The following TEX14 variants were observed in gnomAD, a reference collection of about 807,000 sequenced individuals.
TEX14 encodes the protein testis expressed 14, intercellular bridge forming factor.
TEX14 carries 168 observed loss-of-function variants against 178.6 expected under a neutral mutation model. That is an observed-to-expected ratio of 0.94 (90% CI 0.83 to 1.07). TEX14 has a LOEUF of 1.07. TEX14 is among the 50% of genes least tolerant of loss of function. The probability of loss-of-function intolerance (pLI) is 0.00; values close to 1 mark genes in which losing one functional copy is unlikely to be tolerated. For synonymous variants in TEX14, 626 were observed against 634.1 expected, an observed-to-expected ratio of 0.99 and a Z score of 0.19; for missense variants, 1,730 against 1,753.6, an observed-to-expected ratio of 0.99 and a Z score of 0.24.
At chr17:58,595,969 G>A (rs924928611) in intron 14 of TEX14, among the ~76,000 whole-genome samples, 13 of 152,190 alleles carry the variant, frequency 8.5e-5, no homozygotes, top group African/African-American at 3.1e-4. Context: ...CGGATCACAA[G>A]GTCAGGAGTT....
intron 15 of TEX14, among the ~76,000 whole-genome samples, chr17:58,592,943 C>T (rs896710403): frequency 7.9e-5 from 12 of 152,034 alleles, no homozygotes; most frequent in Admixed American, 2.0e-4. Context: ...CATATATATG[C>T]ATGAATACAT....
rs1172697593 is a variant in TEX14, at chr17:58,627,913, C to CTTT, written c.251+2524_251+2526dup. Among the ~76,000 whole-genome samples the CTTT allele has an allele frequency of 8.2e-3, 621 of 75,616 alleles. 23 individuals are homozygous for CTTT. Among genetic ancestry groups the CTTT allele is most frequent in the African/African-American group, 0.027 (506 of 18,590 alleles). The allele number at this position is 75,616 out of a possible 152,430, so 49.6% of individuals were successfully genotyped here. A position where few individuals can be genotyped will look rare whatever the true frequency, so the allele number is the denominator to read the frequency against. On this transcript the variant is annotated intron_variant, in intron 3 of 31. Coordinates refer to ENST00000349033, the MANE Select transcript of TEX14 (RefSeq NM_031272.5). The stretch of plus-strand genomic sequence containing the variant: ...TCAGGTGAGCCAGCCCCCATGCCAC[C>CTTT]TTTTTTTTTTTTTTTTTTTTTTTTG...
chr17:58,664,023 C>G (rs2047164480), intron 1 of TEX14, among the ~76,000 whole-genome samples: 1 of 152,156 alleles, frequency 6.6e-6, no homozygotes, highest in African/African-American at 2.4e-5. Flanking sequence ...GAGTGAGACC[C>G]TGTCTTAACC....
rs187837711 is a variant in TEX14, at chr17:58,673,843, T to C, written c.-2+18096A>G. 5.9e-5 allele frequency among the ~76,000 whole-genome samples: 9 copies of C among 152,322 alleles called. No individual in the cohort carries two copies. The East Asian group carries it at 1.2e-3, about 20-fold the overall frequency. The stretch of plus-strand genomic sequence containing the variant: ...CCACCCTCCCAAAGTCCTGGGATTA[T>C]AGACGTGAGCCACCCCACGTGGCTT... On this transcript the variant is annotated intron_variant, in intron 1 of 31. Transcript: ENST00000349033.
In TEX14 at chr17:58,565,728, A is replaced by G. The variant is rs1263265992; in HGVS notation, c.3964+19T>C. The G allele has an allele frequency of 7.6e-6, 12 of 1,583,556 alleles. No individual in the cohort carries two copies. The highest frequency in any genetic ancestry group is 1.1e-5 in the South Asian group (1 of 87,920). On this transcript the variant is annotated intron_variant, in intron 27 of 31. Transcript: ENST00000349033. ...GCGTTAAAAGAACCTGATGAAAACA[A>G]TCTAGGTAGTTCACTTACCATTTGC...
At chr17:58,564,186 A>G (rs1481264891) in intron 28 of TEX14, 1 of 152,222 alleles carries the variant, frequency 6.6e-6, no homozygotes, top group African/African-American at 2.4e-5. Context: ...ATTTCTGGGT[A>G]TATATCCAAA....
At chr17:58,592,555 C>T (rs985175275) in intron 15 of TEX14, among the ~76,000 whole-genome samples, 13 of 151,514 alleles carry the variant, frequency 8.6e-5, no homozygotes, top group African/African-American at 2.9e-4. Context: ...AGGATGGTCT[C>T]GATCTCCTGA....
chr17:58,565,894 G>T, intron 26 of TEX14, 70 bp from the exon 27 acceptor site: 1 of 1,224,028 alleles, frequency 8.2e-7, no homozygotes, highest in Non-Finnish European at 1.2e-6. Context: ...CTAGAGCAGT[G>T]GTTCTCCAAG....
intron 2 of TEX14, among the ~76,000 whole-genome samples, chr17:58,638,294 A>G (rs995535935): frequency 1.3e-5 from 2 of 152,094 alleles, no homozygotes; most frequent in Non-Finnish European, 2.9e-5. Flanking sequence ...CACTTGCTTG[A>G]GCCCAGTAGT....
chr17:58,608,921 G>C (rs2045679664), intron 10 of TEX14, among the ~76,000 whole-genome samples: 1 of 152,192 alleles, frequency 6.6e-6, no homozygotes, highest in African/African-American at 2.4e-5. Flanking sequence ...GCCTCACTTA[G>C]GGAGGCTTCT....
intron 8 of TEX14, among the ~76,000 whole-genome samples, chr17:58,614,304 A>G (rs2045819036): frequency 6.6e-6 from 1 of 152,160 alleles, no homozygotes; most frequent in Non-Finnish European, 1.5e-5. Context: ...AGCCTGGCCA[A>G]GATGATGAAA....
chr17:58,665,914 G>A (rs1203438289), intron 1 of TEX14, among the ~76,000 whole-genome samples: 4 of 151,946 alleles, frequency 2.6e-5, no homozygotes, highest in African/African-American at 9.7e-5. Context: ...ACGCGTGGTG[G>A]CGGGTGCCTG....
In TEX14 at chr17:58,579,351, TG is replaced by T. The variant is rs199897428; in HGVS notation, c.3238+313del. Among the ~76,000 whole-genome samples, 44 of 152,308 alleles carry T rather than the reference TG, an allele frequency of 2.9e-4. 1 individual carries two copies. The East Asian group carries it at 7.5e-3, about 26-fold the overall frequency. ...TCAGCTTAGCAAAGATAACTGCACT[TG>T]CTATGTGGCACACCAAGGAGCCTGA... On this transcript the variant is annotated intron_variant, in intron 20 of 31. Coordinates refer to ENST00000349033, the MANE Select transcript of TEX14 (RefSeq NM_031272.5).
At position 58,645,559 on chromosome 17, in the gene TEX14, C is replaced by T. The variant is rs373971127; in HGVS notation, c.136+6307G>A. ...ATTTTTAGTAGAGACAGGGTTTCACCATGTTACCCGGGATGGTCTTGATCT... is the reference window on the plus strand; with the variant it reads ...ATTTTTAGTAGAGACAGGGTTTCACTATGTTACCCGGGATGGTCTTGATCT... On this transcript the variant is annotated intron_variant, in intron 2 of 31. Coordinates refer to ENST00000349033, the MANE Select transcript of TEX14 (RefSeq NM_031272.5). Among the ~76,000 whole-genome samples, 11 of 152,018 alleles carry T rather than the reference C, an allele frequency of 7.2e-5. No individual in the cohort carries two copies. In the East Asian group the frequency reaches 1.8e-3, roughly 24 times the overall value.
At chr17:58,589,774 A>G (rs375273212) in intron 15 of TEX14, among the ~76,000 whole-genome samples, 1 of 151,714 alleles carries the variant, frequency 6.6e-6, no homozygotes, top group South Asian at 2.1e-4. Flanking sequence ...ATCACAGATT[A>G]CTGCAGGCTC....
intron 1 of TEX14, among the ~76,000 whole-genome samples, chr17:58,655,102 G>A (rs2046925194): frequency 1.4e-5 from 2 of 144,692 alleles, no homozygotes; most frequent in South Asian, 4.8e-4. Flanking sequence ...TGGTGAGAAT[G>A]GCTGAAGTGC....
rs1334937654 is a variant in TEX14, at chr17:58,586,074, T to C, written c.2797A>G (p.Lys933Glu). The C allele has an allele frequency of 6.2e-7, 1 of 1,612,536 alleles. No individual in the cohort carries two copies. ...GTAGCTGCTTTCTTTGCCATTTCTT[T>C]CACCTCCACTGTGCATAAGAGAAAG... is the stretch of plus-strand genomic sequence containing the variant. ...KVHLKWKMEV[K>E]EMAKKAATGQ... Residue 933 changes from lysine to glutamate, a missense_variant, in exon 18 of 32, where the codon AAA (lysine) becomes GAA (glutamate). This residue lies in a region of TEX14 where 941 missense variants were observed against 1,072.4 expected (regional missense o/e 0.88). Transcript: ENST00000349033.
intron 14 of TEX14, among the ~76,000 whole-genome samples, chr17:58,598,518 T>A (rs562724043): frequency 7.2e-5 from 11 of 152,296 alleles, no homozygotes; most frequent in Admixed American, 6.5e-4. Context: ...TATGGTTCAA[T>A]TTGATACATA....
At chr17:58,668,295 G>A (rs996044509) in intron 1 of TEX14, among the ~76,000 whole-genome samples, 1 of 152,130 alleles carries the variant, frequency 6.6e-6, no homozygotes, top group Non-Finnish European at 1.5e-5. Context: ...CCATTGCAGC[G>A]GTCTCTATAC....
Sources: allele counts gnomAD v4.1 joint callset (sites outside exome capture counted in the v4.1 genomes callset), GRCh38; gene constraint gnomAD v4.1.1; regional missense constraint gnomAD v4.1.1; transcripts MANE v1.5; gene names NCBI Gene and HGNC (gene_info 2026-07-23, HGNC 2026-07-21).